WNT2: variants seen among roughly 807,000 people sequenced by gnomAD.
WNT2 encodes Wnt family member 2, also known as protein Wnt-2.
WNT2 carries 12 observed loss-of-function variants against 36.9 expected under a neutral mutation model. The ratio of observed to expected loss-of-function variants is 0.33; its 90% CI spans 0.21 to 0.53. WNT2 has a LOEUF of 0.53. Among genes scored for constraint, WNT2 ranks in the 20% least tolerant of loss-of-function variants. WNT2 has a pLI of 0.95. For synonymous variants in WNT2, 163 were observed against 174.6 expected (o/e 0.93, Z 0.52); for missense variants, 379 against 473.1 (o/e 0.80, Z 1.84).
chr7:117,307,135 AAG>A (rs1427373433), intron 3 of WNT2, among the ~76,000 whole-genome samples: 1 of 152,206 alleles, frequency 6.6e-6, no homozygotes, highest in Non-Finnish European at 1.5e-5. Context: ...GTTTAAAAAA[AAG>A]AGCTATGGAA....
chr7:117,278,502 G>T, intron 4 of WNT2, 118 bp from the exon 5 acceptor site: 2 of 987,568 alleles, frequency 2.0e-6, no homozygotes, highest in Non-Finnish European at 3.0e-6. Flanking sequence ...TCTTCCTACA[G>T]CCTGGGGCTG....
Position 117,315,125 on chromosome 7 carries a change from T to A in WNT2, c.534A>T (p.Lys178Asn), listed in dbSNP as rs1183102135. The change falls in exon 3 of 5, where the codon AAA (lysine) becomes AAT (asparagine). Residue 178 changes from lysine (K) to asparagine (N), a missense_variant. Physicochemically the swap from Lys to Asn is moderately conservative, Grantham distance 94 (BLOSUM62 0). Coordinates refer to ENST00000265441, the MANE Select transcript of WNT2 (RefSeq NM_003391.3). ...ARAFVDAKER[K>N]GKDARALMNL... ...TCATCAGGGCTCTGGCATCCTTTCC[T>A]TTCCTTTCCTTTGCATCCACAAATG... 7.4e-6 allele frequency: 12 copies of A among 1,614,104 alleles called. No individual in the cohort carries two copies. Among genetic ancestry groups the A allele is most frequent in the Non-Finnish European group, 1.0e-5 (12 of 1,180,032 alleles).
Position 117,323,003 on chromosome 7 carries a change from C to T in WNT2, c.-14G>A. 1.2e-6 allele frequency: 2 copies of T among 1,607,026 alleles called. No homozygotes were observed. The highest frequency in any genetic ancestry group is 2.2e-5 in the East Asian group (1 of 44,798). On this transcript the variant is annotated 5_prime_UTR_variant, in exon 1 of 5. Transcript: ENST00000265441. Reference sequence around the variant, plus strand: ...AGGGGCGTTCATATTAACCCCCTTGCGTCTGCATCAGGTCAGACTCCGTGT... The same window carrying T: ...AGGGGCGTTCATATTAACCCCCTTGTGTCTGCATCAGGTCAGACTCCGTGT...
intron 4 of WNT2, among the ~76,000 whole-genome samples, chr7:117,296,972 G>C (rs1794802178): frequency 6.6e-6 from 1 of 152,178 alleles, no homozygotes; most frequent in South Asian, 2.1e-4. Context: ...TAAATTTAAA[G>C]CCCTGGGACC....
At chr7:117,288,691 A>G (rs946730658) in intron 4 of WNT2, among the ~76,000 whole-genome samples, 7 of 151,976 alleles carry the variant, frequency 4.6e-5, no homozygotes, top group African/African-American at 1.7e-4. Context: ...GAAAATAAAC[A>G]TTTTTTTCCT....
At chr7:117,300,982 G>A (rs1002079163) in intron 3 of WNT2, 2 of 152,206 alleles carry the variant, frequency 1.3e-5, no homozygotes, top group African/African-American at 4.8e-5. Context: ...TGAGCTGCTC[G>A]ATGAGCCCAC....
intron 1 of WNT2, among the ~76,000 whole-genome samples, chr7:117,321,044 A>G (rs1795315182): frequency 6.6e-6 from 1 of 152,204 alleles, no homozygotes; most frequent in African/African-American, 2.4e-5. Flanking sequence ...ACATGAAGCT[A>G]GGTCTACCAG....
chr7:117,285,320 C>T (rs955142952), intron 4 of WNT2, among the ~76,000 whole-genome samples: 1 of 152,176 alleles, frequency 6.6e-6, no homozygotes, highest in African/African-American at 2.4e-5. Context: ...TGCCAGGATG[C>T]ATGTCTCCAA....
chr7:117,283,689 G>A (rs1794534817), intron 4 of WNT2, among the ~76,000 whole-genome samples: 1 of 152,234 alleles, frequency 6.6e-6, no homozygotes, highest in Non-Finnish European at 1.5e-5. Context: ...CTCAGAGAGA[G>A]GAGCAGACAA....
chr7:117,279,448 G>T (rs1376516231), intron 4 of WNT2, among the ~76,000 whole-genome samples: 2 of 152,204 alleles, frequency 1.3e-5, no homozygotes, highest in African/African-American at 4.8e-5. Context: ...GGCCAATCAG[G>T]TAAATTCTCT....
chr7:117,300,753 T>G (rs1340357919), intron 3 of WNT2: 1 of 152,298 alleles, frequency 6.6e-6, no homozygotes, highest in African/African-American at 2.4e-5. Context: ...GAGCTATGAT[T>G]GCATCACTGT....
At chr7:117,319,139 C>T (rs986864196) in intron 2 of WNT2, among the ~76,000 whole-genome samples, 3 of 152,146 alleles carry the variant, frequency 2.0e-5, no homozygotes, top group Non-Finnish European at 4.4e-5. Flanking sequence ...AAAGATTACT[C>T]GTGCTAGATA....
chr7:117,310,630 C>A (rs1051444206), intron 3 of WNT2, among the ~76,000 whole-genome samples: 1 of 148,886 alleles, frequency 6.7e-6, no homozygotes, highest in African/African-American at 2.5e-5. Flanking sequence ...CTGGCTGGGA[C>A]TCAAATTTCA....
chr7:117,278,739 G>A (rs1456745105), intron 4 of WNT2, among the ~76,000 whole-genome samples: 4 of 152,206 alleles, frequency 2.6e-5, no homozygotes, highest in Admixed American at 6.5e-5. Context: ...AGCCAGATCA[G>A]AATAAAAGAA....
chr7:117,286,869 A>G (rs1167141942), intron 4 of WNT2, among the ~76,000 whole-genome samples: 2 of 152,288 alleles, frequency 1.3e-5, no homozygotes, highest in African/African-American at 4.8e-5. Flanking sequence ...TTAAATTAGC[A>G]AATCTTGTAA....
intron 3 of WNT2, among the ~76,000 whole-genome samples, chr7:117,313,839 C>T (rs1010250463): frequency 6.6e-6 from 1 of 152,150 alleles, no homozygotes; most frequent in African/African-American, 2.4e-5. Context: ...TTCATAAATT[C>T]ATGAAAATTA....
intron 3 of WNT2, among the ~76,000 whole-genome samples, chr7:117,314,036 C>A (rs868058552): frequency 1.3e-5 from 2 of 152,136 alleles, no homozygotes; most frequent in African/African-American, 4.8e-5. Context: ...TATTAAAGCC[C>A]CCCCAGGGAC....
At chr7:117,289,987 C>G (rs1794657719) in intron 4 of WNT2, among the ~76,000 whole-genome samples, 1 of 152,070 alleles carries the variant, frequency 6.6e-6, no homozygotes, top group Non-Finnish European at 1.5e-5. Flanking sequence ...GGGTGGCAGG[C>G]AGTACCATTT....
chr7:117,307,719 T>C (rs1795040208), intron 3 of WNT2, among the ~76,000 whole-genome samples: 1 of 152,236 alleles, frequency 6.6e-6, no homozygotes, highest in Admixed American at 6.5e-5. Flanking sequence ...ACATGAGAAT[T>C]TTTTTCTTGT....
Sources: allele counts gnomAD v4.1 joint callset (sites outside exome capture counted in the v4.1 genomes callset), GRCh38; gene constraint gnomAD v4.1.1; transcripts MANE v1.5; gene names NCBI Gene and HGNC (gene_info 2026-07-23, HGNC 2026-07-21).